The following VPS13B variants were observed in gnomAD, a reference collection of about 807,000 sequenced individuals.
VPS13B encodes intermembrane lipid transfer protein VPS13B.
In VPS13B, 285 loss-of-function variants were observed where a neutral mutation model predicts 426.4. That is an observed-to-expected ratio of 0.67 (90% CI 0.61 to 0.74). The LOEUF (loss-of-function observed/expected upper bound fraction) is 0.74, where lower values mean the gene tolerates loss of function less well. Ranked by LOEUF, VPS13B falls within the 30% of genes least tolerant of loss-of-function variation. The pLI, the probability that VPS13B is intolerant of heterozygous loss-of-function variation, is 0.00. For synonymous variants in VPS13B, 1,676 were observed against 1,676.4 expected, an observed-to-expected ratio of 1.00 and a Z score of 0.01; for missense variants, 4,537 against 4,782.6, an observed-to-expected ratio of 0.95 and a Z score of 1.51.
intron 39 of VPS13B, among the ~76,000 whole-genome samples, chr8:99,745,656 C>T (rs1810044595): frequency 6.6e-6 from 1 of 151,932 alleles, no homozygotes; most frequent in South Asian, 2.1e-4. Context: ...GAATGTATCC[C>T]TCATGGATAA....
At chr8:99,373,851 A>C (rs1301952329) in intron 19 of VPS13B, among the ~76,000 whole-genome samples, 1 of 152,178 alleles carries the variant, frequency 6.6e-6, no homozygotes, top group African/African-American at 2.4e-5. Flanking sequence ...CAAAAAAGTA[A>C]CAAAAGGAAC....
At chr8:99,446,748 A>G (rs2133450377) in intron 23 of VPS13B, among the ~76,000 whole-genome samples, 1 of 152,314 alleles carries the variant, frequency 6.6e-6, no homozygotes, top group South Asian at 2.1e-4. Flanking sequence ...AACGCTAAGT[A>G]TACAACTGGA....
At chr8:99,150,294 TA>T (rs912136230) in intron 14 of VPS13B, among the ~76,000 whole-genome samples, 8 of 152,154 alleles carry the variant, frequency 5.3e-5, no homozygotes, top group Non-Finnish European at 1.0e-4. Context: ...AGATTTTTCA[TA>T]AACTGACTCC....
chr8:99,607,531 G>T (rs1162718434), intron 33 of VPS13B, among the ~76,000 whole-genome samples: 3 of 152,078 alleles, frequency 2.0e-5, no homozygotes, highest in African/African-American at 7.2e-5. Flanking sequence ...TTTAAGAGAT[G>T]GAAGCTCAAA....
chr8:99,868,921 C>T (rs1159674298), intron 59 of VPS13B, among the ~76,000 whole-genome samples: 2 of 152,184 alleles, frequency 1.3e-5, no homozygotes, highest in African/African-American at 4.8e-5. Context: ...TCCTGCCCCT[C>T]GCAGCCAGGC....
intron 39 of VPS13B, among the ~76,000 whole-genome samples, chr8:99,731,820 T>C (rs1198315738): frequency 6.6e-6 from 1 of 152,150 alleles, no homozygotes; most frequent in Non-Finnish European, 1.5e-5. Context: ...ATTCACACAA[T>C]TTTGGAAATA....
chr8:99,292,537 G>A (rs964912373), intron 19 of VPS13B, among the ~76,000 whole-genome samples: 5 of 152,076 alleles, frequency 3.3e-5, no homozygotes, highest in African/African-American at 1.2e-4. Flanking sequence ...AATGATTATA[G>A]TCGCTGAAGT....
chr8:99,622,355 T>C lies in VPS13B; in HGVS notation c.5221-19456T>C, dbSNP rs912363393. Reference sequence around the variant, plus strand: ...CGCCTCCAGGTCTTCTGACACTGATTACAGAGATATTTTATTCTTGAATCT... The same window carrying C: ...CGCCTCCAGGTCTTCTGACACTGATCACAGAGATATTTTATTCTTGAATCT... On this transcript the variant is annotated intron_variant, in intron 33 of 61. Coordinates refer to ENST00000357162, the MANE Select transcript of VPS13B (RefSeq NM_152564.5). 7.9e-5 allele frequency among the ~76,000 whole-genome samples: 12 copies of C among 152,304 alleles called. No homozygotes were observed. In the South Asian group the frequency reaches 2.5e-3, roughly 32 times the overall value.
At chr8:99,724,666 T>A (rs893855467) in intron 39 of VPS13B, among the ~76,000 whole-genome samples, 1 of 152,116 alleles carries the variant, frequency 6.6e-6, no homozygotes, top group Non-Finnish European at 1.5e-5. Flanking sequence ...GCATTACACA[T>A]AGTGAGCTCT....
intron 35 of VPS13B, among the ~76,000 whole-genome samples, chr8:99,672,442 G>C (rs888992143): frequency 2.0e-5 from 3 of 152,056 alleles, no homozygotes; most frequent in Non-Finnish European, 4.4e-5. Context: ...GTATAGAAAT[G>C]CTATAGGTTT....
At chr8:99,612,149 A>G (rs953124009) in intron 33 of VPS13B, among the ~76,000 whole-genome samples, 1 of 152,146 alleles carries the variant, frequency 6.6e-6, no homozygotes, top group African/African-American at 2.4e-5. Flanking sequence ...TTCTGCCATT[A>G]GACTAGCAAT....
intron 3 of VPS13B, among the ~76,000 whole-genome samples, chr8:99,072,037 G>T (rs1353936112): frequency 6.6e-6 from 1 of 152,028 alleles, no homozygotes; most frequent in Non-Finnish European, 1.5e-5. Flanking sequence ...TGGAACTGGG[G>T]ACCCTAGCAG....
At chr8:99,687,316 C>G (rs1474711382) in intron 35 of VPS13B, among the ~76,000 whole-genome samples, 3 of 152,016 alleles carry the variant, frequency 2.0e-5, no homozygotes, top group African/African-American at 7.3e-5. Context: ...AGGGGTGGCA[C>G]AAGCACTCCC....
At chr8:99,086,374 A>G (rs1405120731) in intron 3 of VPS13B, among the ~76,000 whole-genome samples, 1 of 152,000 alleles carries the variant, frequency 6.6e-6, no homozygotes, top group Non-Finnish European at 1.5e-5. Flanking sequence ...TTTTTTTTCA[A>G]GGTTTGTAAC....
chr8:99,093,603 C>A (rs1846275547), intron 3 of VPS13B, among the ~76,000 whole-genome samples: 1 of 148,276 alleles, frequency 6.7e-6, no homozygotes, highest in Non-Finnish European at 1.5e-5. Context: ...TTGTTCAATT[C>A]CCACCTATGA....
chr8:99,664,708 A>G (rs1253339839), intron 35 of VPS13B, among the ~76,000 whole-genome samples: 1 of 152,136 alleles, frequency 6.6e-6, no homozygotes, highest in African/African-American at 2.4e-5. Context: ...TTCTTAATCC[A>G]GTCTATCGTT....
At chr8:99,373,683 C>T (rs1039127328) in intron 19 of VPS13B, among the ~76,000 whole-genome samples, 1 of 152,088 alleles carries the variant, frequency 6.6e-6, no homozygotes, top group Non-Finnish European at 1.5e-5. Flanking sequence ...CATAGTGAAA[C>T]ATCGTCTCTG....
intron 53 of VPS13B, 96 bp from the exon 54 acceptor site, chr8:99,835,443 C>A: frequency 6.6e-7 from 1 of 1,506,182 alleles, no homozygotes; most frequent in South Asian, 1.2e-5. Flanking sequence ...CATTAATGAT[C>A]TCTTTTTGAG....
At chr8:99,741,976 G>C (rs1169535838) in intron 39 of VPS13B, among the ~76,000 whole-genome samples, 3 of 152,102 alleles carry the variant, frequency 2.0e-5, no homozygotes, top group Admixed American at 2.0e-4. Context: ...ACTAAGATCA[G>C]AGCAGAACTG....
Sources: gnomAD v4.1 joint callset for allele counts (sites outside exome capture counted in the v4.1 genomes callset) on GRCh38, gnomAD v4.1.1 for gene constraint, MANE v1.5 for transcripts, NCBI Gene and HGNC (gene_info 2026-07-23, HGNC 2026-07-21) for gene names.